Variants in ATXN1 observed in about 807,000 individuals in gnomAD.
ATXN1 encodes the protein ataxin-1.
A neutral mutation model predicts 56.4 loss-of-function variants in ATXN1; 8 were observed. The ratio of observed to expected loss-of-function variants is 0.14; its 90% CI spans 0.08 to 0.26. The LOEUF (loss-of-function observed/expected upper bound fraction) is 0.26, where lower values mean the gene tolerates loss of function less well. Ranked by LOEUF, ATXN1 falls within the 10% of genes least tolerant of loss-of-function variation. The probability of loss-of-function intolerance (pLI) is 1.00; values close to 1 mark genes in which losing one functional copy is unlikely to be tolerated. For synonymous variants in ATXN1, 514 were observed against 494.6 expected (o/e 1.04, Z -0.52); for missense variants, 987 against 1,106.5 (o/e 0.89, Z 1.53).
intron 2 of ATXN1, among the ~76,000 whole-genome samples, chr6:16,683,477 T>C (rs1581362253): frequency 6.6e-6 from 1 of 152,184 alleles, no homozygotes; most frequent in East Asian, 1.9e-4. Flanking sequence ...CTCCTTAATA[T>C]CCATAAGCCA....
intron 6 of ATXN1, among the ~76,000 whole-genome samples, chr6:16,436,609 A>T (rs1759396272): frequency 6.6e-6 from 1 of 152,076 alleles, no homozygotes; most frequent in Non-Finnish European, 1.5e-5. Context: ...GACAGAAAGA[A>T]CAGAAGGTAC....
intron 6 of ATXN1, among the ~76,000 whole-genome samples, chr6:16,456,737 C>T (rs760101561): frequency 2.6e-5 from 4 of 152,224 alleles, no homozygotes; most frequent in Non-Finnish European, 5.9e-5. Context: ...CTAAAAACCA[C>T]TCCCTGTCCC....
At position 16,299,939 on chromosome 6, in the gene ATXN1, G is replaced by C. The variant is rs1238091027; in HGVS notation, c.*6390C>G. ...CCTGGGCCAGAAAACTGAAAGAGTAGGTGGTTCCTGTAAGAACCAGAGAAA... is the reference window on the plus strand; with the variant it reads ...CCTGGGCCAGAAAACTGAAAGAGTACGTGGTTCCTGTAAGAACCAGAGAAA... On this transcript the variant is annotated 3_prime_UTR_variant, in exon 8 of 8. Coordinates refer to ENST00000436367, the MANE Select transcript of ATXN1 (RefSeq NM_001128164.2). The C allele has an allele frequency of 1.3e-5, 2 of 152,678 alleles. No individual in the cohort carries two copies. Among genetic ancestry groups the C allele is most frequent in the Non-Finnish European group, 2.9e-5 (2 of 68,058 alleles). The allele number at this position is 152,678 out of a possible 1,614,324, so 9.5% of individuals were successfully genotyped here.
intron 6 of ATXN1, among the ~76,000 whole-genome samples, chr6:16,389,947 C>T (rs1472079300): frequency 6.6e-6 from 1 of 152,184 alleles, no homozygotes; most frequent in Non-Finnish European, 1.5e-5. Context: ...TGACTCACTG[C>T]ACCAAGCTAT....
rs1427389588 is a variant in ATXN1, at chr6:16,614,457, T to C, written c.-488-28550A>G. ...CATCCTGAAAATCACAGCATCACCA[T>C]TCAATAGACAAAAATTATCATTATC... On this transcript the variant is annotated intron_variant, in intron 3 of 7. Transcript: ENST00000436367. 2.6e-5 allele frequency among the ~76,000 whole-genome samples: 4 copies of C among 151,896 alleles called. No homozygotes were observed. In the South Asian group the frequency reaches 6.2e-4, roughly 24 times the overall value.
At chr6:16,415,502 T>G (rs6932569) in intron 6 of ATXN1, among the ~76,000 whole-genome samples, 39,556 of 152,208 alleles carry the variant, frequency 0.26, 5,484 homozygotes, top group Admixed American at 0.31. Flanking sequence ...AGTGCTGGGA[T>G]TACAGGCGTG....
At chr6:16,714,239 C>T (rs1759593395) in intron 2 of ATXN1, among the ~76,000 whole-genome samples, 1 of 149,380 alleles carries the variant, frequency 6.7e-6, no homozygotes, top group Non-Finnish European at 1.5e-5. Flanking sequence ...AAACCTGGCC[C>T]CATTTGCATG....
chr6:16,522,855 G>A (rs757232078), intron 4 of ATXN1, among the ~76,000 whole-genome samples, 167 bp from the exon 5 acceptor site: 9 of 152,188 alleles, frequency 5.9e-5, no homozygotes, highest in Non-Finnish European at 8.8e-5. Context: ...TTATTTGGCT[G>A]ACTATATGAA....
At chr6:16,457,736 C>G (rs568290986) in intron 6 of ATXN1, among the ~76,000 whole-genome samples, 1 of 152,242 alleles carries the variant, frequency 6.6e-6, no homozygotes, top group African/African-American at 2.4e-5. Context: ...ACAGGAGGAC[C>G]TCTCAGATTA....
intron 6 of ATXN1, among the ~76,000 whole-genome samples, chr6:16,390,680 T>TCACA (rs57705650): frequency 0.11 from 15,749 of 147,150 alleles, 1,190 homozygotes; most frequent in East Asian, 0.44. Context: ...AATAAACACA[T>TCACA]CACACACACA....
chr6:16,559,928 T>C (rs6459474), intron 4 of ATXN1, among the ~76,000 whole-genome samples: 91,973 of 151,906 alleles, frequency 0.61, 29,545 homozygotes, highest in African/African-American at 0.81. Context: ...TTTTCCCAAA[T>C]AGAGGCATTT....
intron 2 of ATXN1, among the ~76,000 whole-genome samples, chr6:16,686,013 C>T (rs954717986): frequency 1.3e-5 from 2 of 151,808 alleles, no homozygotes; most frequent in African/African-American, 2.4e-5. Context: ...ATCTTAATAC[C>T]GAATATTCTT....
intron 5 of ATXN1, among the ~76,000 whole-genome samples, chr6:16,521,686 G>A (rs374960027): frequency 2.6e-5 from 4 of 152,228 alleles, no homozygotes; most frequent in East Asian, 1.9e-4. Flanking sequence ...ACCGCGAGTC[G>A]GGTGTGTGGG....
At chr6:16,680,612 GA>G (rs1175078659) in intron 2 of ATXN1, among the ~76,000 whole-genome samples, 1 of 152,110 alleles carries the variant, frequency 6.6e-6, no homozygotes, top group African/African-American at 2.4e-5. Flanking sequence ...GAAAACAAGG[GA>G]AACCAGTTAC....
intron 6 of ATXN1, among the ~76,000 whole-genome samples, chr6:16,391,899 G>A (rs1004568076): frequency 6.6e-6 from 1 of 152,204 alleles, no homozygotes; most frequent in African/African-American, 2.4e-5. Flanking sequence ...ACTGCAGCCT[G>A]ATGTTTCCTC....
At chr6:16,370,257 C>G (rs1413109613) in intron 6 of ATXN1, among the ~76,000 whole-genome samples, 2 of 152,160 alleles carry the variant, frequency 1.3e-5, no homozygotes, top group Non-Finnish European at 2.9e-5. Flanking sequence ...AGGAATTGTT[C>G]TTTCCACATC....
intron 6 of ATXN1, among the ~76,000 whole-genome samples, chr6:16,415,629 C>A (rs1758887495): frequency 6.6e-6 from 1 of 152,230 alleles, no homozygotes; most frequent in Non-Finnish European, 1.5e-5. Context: ...GAGAAAGGGA[C>A]CTGTGAGTGA....
At chr6:16,714,708 G>C (rs992504291) in intron 2 of ATXN1, among the ~76,000 whole-genome samples, 1 of 151,882 alleles carries the variant, frequency 6.6e-6, no homozygotes. Flanking sequence ...TGAACTGCTG[G>C]GCTGTACTGT....
At chr6:16,710,962 A>G (rs1759510183) in intron 2 of ATXN1, among the ~76,000 whole-genome samples, 1 of 151,896 alleles carries the variant, frequency 6.6e-6, no homozygotes, top group Non-Finnish European at 1.5e-5. Context: ...CAGTCACTGT[A>G]GCCTCAAACT....
Sources: gnomAD v4.1 joint callset for allele counts (sites outside exome capture counted in the v4.1 genomes callset) on GRCh38, gnomAD v4.1.1 for gene constraint, MANE v1.5 for transcripts, NCBI Gene and HGNC (gene_info 2026-07-23, HGNC 2026-07-21) for gene names.